The following ZDHHC5 variants were observed in gnomAD, a reference collection of about 807,000 sequenced individuals.
ZDHHC5 encodes palmitoyltransferase ZDHHC5.
ZDHHC5 carries 22 observed loss-of-function variants against 70.0 expected under a neutral mutation model. The observed-to-expected ratio is 0.31, with a 90% CI of 0.22 to 0.45. The LOEUF (loss-of-function observed/expected upper bound fraction) is 0.45, where lower values mean the gene tolerates loss of function less well. Ranked by LOEUF, ZDHHC5 falls within the 20% of genes least tolerant of loss-of-function variation. ZDHHC5 has a pLI of 1.00. For missense variants in ZDHHC5, 746 were observed against 926.9 expected, an observed-to-expected ratio of 0.80 and a Z score of 2.53; for synonymous variants, 313 against 347.8, an observed-to-expected ratio of 0.90 and a Z score of 1.11.
At chr11:57,674,611 G>A (rs1946048174) in intron 2 of ZDHHC5, among the ~76,000 whole-genome samples, 1 of 152,194 alleles carries the variant, frequency 6.6e-6, no homozygotes, top group Non-Finnish European at 1.5e-5. Context: ...GCTCATTGAA[G>A]TAGAGATTAT....
intron 7 of ZDHHC5, 97 bp downstream of exon 7, chr11:57,692,799 AGG>A: frequency 8.1e-7 from 1 of 1,227,856 alleles, no homozygotes; most frequent in Non-Finnish European, 1.2e-6. Context: ...GAGAGCCTTT[AGG>A]AAGGGTTCTC....
chr11:57,683,618 T>C (rs1783981), intron 3 of ZDHHC5, among the ~76,000 whole-genome samples: 90,160 of 152,096 alleles, frequency 0.59, 27,206 homozygotes, highest in East Asian at 0.9. Context: ...CTTGAATCAG[T>C]CAGATAGTTA....
rs72474322 is a variant in ZDHHC5, at chr11:57,676,909, A to ATTTTTTTTTTTT, written c.104+3734_104+3745dup. ...CAGGATAAGATCTCTGCTTCACGTG[A>ATTTTTTTTTTTT]TTTTTTTTTTTTTTTTTTTTTTTTT... On this transcript the variant is annotated intron_variant, in intron 2 of 11. Coordinates refer to ENST00000287169, the MANE Select transcript of ZDHHC5 (RefSeq NM_015457.3). 8.6e-5 allele frequency among the ~76,000 whole-genome samples: 7 copies of ATTTTTTTTTTTT among 80,984 alleles called. 1 individual carries two copies. The highest frequency in any genetic ancestry group is 3.7e-4 in the African/African-American group (7 of 19,106). The allele number at this position is 80,984 out of a possible 152,430, so 53.1% of individuals were successfully genotyped here.
At chr11:57,679,318 C>A (rs536062760) in intron 2 of ZDHHC5, among the ~76,000 whole-genome samples, 1 of 152,162 alleles carries the variant, frequency 6.6e-6, no homozygotes, top group East Asian at 1.9e-4. Context: ...CCCACCACCA[C>A]GCCCGGATAA....
chr11:57,675,970 C>CT (rs1326753925), intron 2 of ZDHHC5, among the ~76,000 whole-genome samples: 17 of 152,316 alleles, frequency 1.1e-4, no homozygotes, highest in Admixed American at 3.9e-4. Flanking sequence ...TGTAACTACT[C>CT]TATCATCCTC....
chr11:57,697,828 C>CAAA (rs1010913426), intron 10 of ZDHHC5, among the ~76,000 whole-genome samples: 19 of 28,716 alleles, frequency 6.6e-4, no homozygotes, highest in Non-Finnish European at 7.8e-4. Context: ...GACTACACCT[C>CAAA]AAAAAAAAAA....
chr11:57,688,749 T>TGTG, intron 4 of ZDHHC5, 84 bp downstream of exon 4: 1 of 1,450,294 alleles, frequency 6.9e-7, no homozygotes, highest in Non-Finnish European at 9.2e-7. Context: ...TAGCTTTGGA[T>TGTG]GTGGTATAGT....
intron 1 of ZDHHC5, among the ~76,000 whole-genome samples, chr11:57,671,187 A>G (rs769335613): frequency 4.6e-5 from 7 of 152,188 alleles, no homozygotes; most frequent in Non-Finnish European, 7.3e-5. Flanking sequence ...CTTCAATTTT[A>G]AAGAGTGGGA....
At chr11:57,676,807 G>T in intron 2 of ZDHHC5, among the ~76,000 whole-genome samples, 1 of 148,106 alleles carries the variant, frequency 6.8e-6, no homozygotes, top group Non-Finnish European at 1.5e-5. Flanking sequence ...ATTGTATCTT[G>T]TTTAAAGTCT....
At chr11:57,688,708 T>C (rs530754587) in intron 4 of ZDHHC5, 43 bp downstream of exon 4, 8 of 1,535,160 alleles carry the variant, frequency 5.2e-6, no homozygotes, top group South Asian at 1.3e-5. Context: ...TTAACCTTCA[T>C]TGTCTTCATC....
intron 2 of ZDHHC5, chr11:57,681,516 C>G (rs1946150144): frequency 6.6e-6 from 1 of 152,214 alleles, no homozygotes; most frequent in African/African-American, 2.4e-5. Context: ...AGTAGCACAT[C>G]AGGTTCTTCC....
At position 57,699,395 on chromosome 11, in the gene ZDHHC5, C is replaced by G. The variant is rs752294339; in HGVS notation, c.1959C>G (p.Ala653=). 5 of 1,582,808 alleles carry G rather than the reference C, an allele frequency of 3.2e-6. No individual in the cohort carries two copies. Among genetic ancestry groups the G allele is most frequent in the East Asian group, 2.2e-5 (1 of 44,556 alleles). Residue 653 remains alanine (A), a synonymous_variant, in exon 11 of 12, where the codon GCC becomes GCG. Coordinates refer to ENST00000287169, the MANE Select transcript of ZDHHC5 (RefSeq NM_015457.3). ...GTGTCTCTGAGACAGAAGAAGTGGC[C>G]TTGCAGCCATTACTGACACCCAAGT... ...QPGVSETEEV[A]LQPLLTPKDE...
At chr11:57,685,131 G>A (rs149545683) in intron 3 of ZDHHC5, among the ~76,000 whole-genome samples, 1 of 151,820 alleles carries the variant, frequency 6.6e-6, no homozygotes, top group Admixed American at 6.6e-5. Flanking sequence ...CTGGGCAACA[G>A]CAAGACTCCG....
rs1946025807 is a variant in ZDHHC5, at chr11:57,673,018, A to G, written c.-73A>G. The G allele has an allele frequency of 2.7e-6, 4 of 1,456,486 alleles. No homozygotes were observed. In the South Asian group the frequency reaches 4.6e-5, roughly 17 times the overall value. 90.2% of individuals were successfully genotyped at this position (1,456,486 alleles called of 1,614,324 possible). On this transcript the variant is annotated 5_prime_UTR_variant, in exon 2 of 12. Transcript: ENST00000287169. ...TCCTCTCTGTTGCTTCCCTCCTCCC[A>G]TTTTCTTGTCTGTTCTGCCGCTGTG... is the stretch of plus-strand genomic sequence containing the variant.
At chr11:57,697,412 G>A (rs994241210) in intron 10 of ZDHHC5, among the ~76,000 whole-genome samples, 2 of 151,892 alleles carry the variant, frequency 1.3e-5, no homozygotes, top group Non-Finnish European at 2.9e-5. Context: ...GCAGTTAGCC[G>A]AGATCATGCC....
At chr11:57,685,069 G>A (rs562958844) in intron 3 of ZDHHC5, among the ~76,000 whole-genome samples, 17 of 151,694 alleles carry the variant, frequency 1.1e-4, no homozygotes, top group Admixed American at 3.9e-4. Flanking sequence ...AATCGCTTGA[G>A]TGGGGGAGGC....
chr11:57,675,284 C>T lies in ZDHHC5; in HGVS notation c.104+2090C>T, dbSNP rs72928058. On this transcript the variant is annotated intron_variant, in intron 2 of 11. Transcript: ENST00000287169. ...GACTAAATGATTTCTGTCTTTCAAG[C>T]TCCCTCTTCTTGAGATAGAGCAAGC... Among the ~76,000 whole-genome samples the T allele has an allele frequency of 8.2e-3, 1,252 of 152,306 alleles. 6 individuals carry two copies. The highest frequency in any genetic ancestry group is 0.014 in the Non-Finnish European group (974 of 68,008).
chr11:57,693,761 C>G (rs777710190), intron 7 of ZDHHC5, 22 bp from the exon 8 acceptor site: 14 of 1,540,694 alleles, frequency 9.1e-6, no homozygotes, highest in African/African-American at 1.4e-5. Flanking sequence ...GTGTCTCTCT[C>G]TCTCTCTCTC....
chr11:57,690,163 T>C lies in ZDHHC5; in HGVS notation c.517T>C (p.Tyr173His), dbSNP rs756313651. The change falls in exon 5 of 12, where the codon TAC (tyrosine) becomes CAC (histidine). Residue 173 changes from tyrosine (Y) to histidine (H), a missense_variant. By Grantham distance (83) the Tyr-to-His change is moderately conservative (BLOSUM62 2). Transcript: ENST00000287169. ...TGGCTTTGGCCTCCTTTATGTCCTCTACCACATAGAGGAACTCTCAGGGGT... is the reference window on the plus strand; with the variant it reads ...TGGCTTTGGCCTCCTTTATGTCCTCCACCACATAGAGGAACTCTCAGGGGT... ...VFGFGLLYVL[Y>H]HIEELSGVRT... The C allele has an allele frequency of 2.5e-6, 4 of 1,614,130 alleles. No individual in the cohort carries two copies. In the South Asian group the frequency reaches 4.4e-5, roughly 18 times the overall value.
Sources: allele counts gnomAD v4.1 joint callset (sites outside exome capture counted in the v4.1 genomes callset), GRCh38; gene constraint gnomAD v4.1.1; transcripts MANE v1.5; gene names NCBI Gene and HGNC (gene_info 2026-07-23, HGNC 2026-07-21).